The following DGKI variants were observed in gnomAD, a reference collection of about 807,000 sequenced individuals.
DGKI encodes the protein diacylglycerol kinase iota, also known as DAG kinase iota.
In DGKI, 55 loss-of-function variants were observed where a neutral mutation model predicts 147.5. The observed-to-expected ratio is 0.37, with a 90% CI of 0.30 to 0.47. The LOEUF is 0.47. DGKI is among the 20% of genes least tolerant of loss of function. DGKI has a pLI of 1.00. For synonymous variants in DGKI, 469 were observed against 477.1 expected (o/e 0.98, Z 0.22); for missense variants, 1,007 against 1,323.8 (o/e 0.76, Z 3.71).
At chr7:137,664,043 A>G (rs1410132581) in intron 3 of DGKI, among the ~76,000 whole-genome samples, 1 of 152,164 alleles carries the variant, frequency 6.6e-6, no homozygotes. Flanking sequence ...AGGTGCCCTC[A>G]GACTGTTTGA....
chr7:137,584,481 A>G (rs1819316087), intron 14 of DGKI, among the ~76,000 whole-genome samples: 1 of 152,212 alleles, frequency 6.6e-6, no homozygotes, highest in South Asian at 2.1e-4. Flanking sequence ...TAAAAGCTCA[A>G]TCACTAAAAG....
chr7:137,412,269 A>G, intron 28 of DGKI, 62 bp from the exon 29 acceptor site: 1 of 1,486,646 alleles, frequency 6.7e-7, no homozygotes, highest in Non-Finnish European at 9.4e-7. Context: ...AATATTACAC[A>G]AAGTTGGATC....
At chr7:137,432,667 G>A (rs190797874) in intron 28 of DGKI, among the ~76,000 whole-genome samples, 36 of 152,206 alleles carry the variant, frequency 2.4e-4, no homozygotes, top group Non-Finnish European at 7.4e-5. Context: ...GGCTAATATG[G>A]AATAAAACCA....
At chr7:137,608,866 A>T in intron 10 of DGKI, 100 bp downstream of exon 10, 2 of 917,186 alleles carry the variant, frequency 2.2e-6, no homozygotes, top group East Asian at 2.6e-5. Flanking sequence ...TGTCTTCCAA[A>T]GCTTGGGATC....
intron 1 of DGKI, among the ~76,000 whole-genome samples, chr7:137,741,012 A>T (rs1795157841): frequency 6.6e-6 from 1 of 150,746 alleles, no homozygotes; most frequent in Admixed American, 6.6e-5. Flanking sequence ...CTAAGTCTTA[A>T]TTTTTTTTTT....
chr7:137,691,798 G>GTTTTTTT lies in DGKI; in HGVS notation c.402-1803_402-1797dup, dbSNP rs796902464. Among the ~76,000 whole-genome samples, 122 of 95,806 alleles carry GTTTTTTT rather than the reference G, an allele frequency of 1.3e-3. 2 individuals carry two copies. Among genetic ancestry groups the GTTTTTTT allele is most frequent in the Non-Finnish European group, 1.9e-3 (97 of 50,122 alleles). 62.9% of individuals were successfully genotyped at this position (95,806 alleles called of 152,430 possible). ...GCTCAGCAAGTGTCTAGACCTTTGG[G>GTTTTTTT]TTTTTTTTTTTTTTTTTTTTTTTAA... is the stretch of plus-strand genomic sequence containing the variant. On this transcript the variant is annotated intron_variant, in intron 1 of 32. Transcript: ENST00000614521.
rs1034821144 is a variant in DGKI at position 137,386,023 on chromosome 7, A to G, written c.*5197T>C. On this transcript the variant is annotated 3_prime_UTR_variant, in exon 33 of 33. Transcript: ENST00000614521. Reference sequence around the variant, plus strand: ...TAATGATTAAATACATGCACTTATGATTGATTCATGGACATATGATTACAT... The same window carrying G: ...TAATGATTAAATACATGCACTTATGGTTGATTCATGGACATATGATTACAT... 6.6e-6 allele frequency: 1 copy of G among 152,156 alleles called. No homozygotes were observed. Among genetic ancestry groups the G allele is most frequent in the Non-Finnish European group, 1.5e-5 (1 of 68,014 alleles). 9.4% of individuals were successfully genotyped at this position (152,156 alleles called of 1,614,324 possible).
At chr7:137,528,158 A>G (rs1728476) in intron 20 of DGKI, among the ~76,000 whole-genome samples, 13,233 of 152,214 alleles carry the variant, frequency 0.087, 1,210 homozygotes, top group African/African-American at 0.22. Flanking sequence ...GCTTTCTAGC[A>G]GCTTTTCCCT....
intron 6 of DGKI, among the ~76,000 whole-genome samples, chr7:137,642,518 T>C (rs918471416): frequency 3.9e-5 from 6 of 152,318 alleles, no homozygotes; most frequent in African/African-American, 1.4e-4. Context: ...TCAAATTACA[T>C]AATTTGAACT....
chr7:137,609,565 A>T lies in DGKI; in HGVS notation c.1038T>A (p.Phe346Leu), dbSNP rs1419560280. 1.2e-6 allele frequency: 2 copies of T among 1,613,378 alleles called. No individual in the cohort carries two copies. Among genetic ancestry groups the T allele is most frequent in the South Asian group, 2.2e-5 (2 of 91,056 alleles). The change falls in exon 9 of 33, where the codon TTT becomes TTA. Residue 346 changes from phenylalanine to leucine, a missense_variant. Phe to Leu is a conservative substitution (Grantham distance 22). Transcript: ENST00000614521. ...TCCCTCTTTTACTGGCTTTTCTTTT[A>T]AAGCTTGTTCTCTTCTTCTTCCGAT... ...ASNRKKKRTS[F>L]KRKASKRGME...
At chr7:137,417,736 C>T (rs1214201828) in intron 28 of DGKI, among the ~76,000 whole-genome samples, 1 of 152,210 alleles carries the variant, frequency 6.6e-6, no homozygotes, top group Non-Finnish European at 1.5e-5. Context: ...AGGCTCCACC[C>T]TCATGAAGGA....
At chr7:137,517,323 G>GAAAGAAAGAAAGAAAGAAAGAAAGAA (rs1563064007) in intron 21 of DGKI, among the ~76,000 whole-genome samples, 4 of 99,708 alleles carry the variant, frequency 4.0e-5, no homozygotes, top group South Asian at 4.1e-4. Flanking sequence ...AAGAAAGAAA[G>GAAAGAAAGAAAGAAAGAAAGAAAGAA]AAAGAAAGAA....
At chr7:137,504,632 T>G (rs1434522844) in intron 21 of DGKI, among the ~76,000 whole-genome samples, 1 of 152,194 alleles carries the variant, frequency 6.6e-6, no homozygotes, top group Non-Finnish European at 1.5e-5. Context: ...TTTTAAAAAC[T>G]TGACATTTCC....
intron 4 of DGKI, among the ~76,000 whole-genome samples, chr7:137,655,156 G>GT (rs1169182418): frequency 1.4e-4 from 21 of 151,454 alleles, no homozygotes; most frequent in South Asian, 6.3e-4. Context: ...ATAAACTTGA[G>GT]TTTTTTTAGT....
intron 1 of DGKI, among the ~76,000 whole-genome samples, chr7:137,715,552 TG>T (rs1357096495): frequency 6.6e-6 from 1 of 152,158 alleles, no homozygotes; most frequent in Non-Finnish European, 1.5e-5. Context: ...GACCACCAAT[TG>T]GGTATTAAAT....
At chr7:137,810,079 C>G (rs1030004012) in intron 1 of DGKI, among the ~76,000 whole-genome samples, 1 of 152,194 alleles carries the variant, frequency 6.6e-6, no homozygotes, top group African/African-American at 2.4e-5. Context: ...CTGAGGTCCC[C>G]TGTGCTGCTG....
At chr7:137,662,559 A>G (rs1320048908) in intron 3 of DGKI, among the ~76,000 whole-genome samples, 3 of 151,850 alleles carry the variant, frequency 2.0e-5, no homozygotes, top group African/African-American at 7.3e-5. Flanking sequence ...CACTTCTTTT[A>G]TCCTCAGTAT....
rs1793990154 is a variant in DGKI, at chr7:137,705,536, A to G, written c.402-15534T>C. On this transcript the variant is annotated intron_variant, in intron 1 of 32. Transcript: ENST00000614521. ...AGAACAGGAAAAACTAACCTATTGC[A>G]GTAGAAATCAGAACAGTGGTTGCTG... Among the ~76,000 whole-genome samples, 3 of 152,184 alleles carry G rather than the reference A, an allele frequency of 2.0e-5. No homozygotes were observed. In the South Asian group the frequency reaches 6.2e-4, roughly 31 times the overall value.
chr7:137,408,713 A>G (rs1223583636), intron 29 of DGKI, among the ~76,000 whole-genome samples: 4 of 149,410 alleles, frequency 2.7e-5, no homozygotes, highest in South Asian at 2.1e-4. Context: ...AGAAGACTGG[A>G]AAAAAAAAAC....
Sources: gnomAD v4.1 joint callset for allele counts (sites outside exome capture counted in the v4.1 genomes callset) on GRCh38, gnomAD v4.1.1 for gene constraint, MANE v1.5 for transcripts, NCBI Gene and HGNC (gene_info 2026-07-23, HGNC 2026-07-21) for gene names.